The following PDE1C variants were observed in gnomAD, a reference collection of about 807,000 sequenced individuals.
The protein encoded by PDE1C is dual specificity calcium/calmodulin-dependent 3',5'-cyclic nucleotide phosphodiesterase 1C.
PDE1C carries 62 observed loss-of-function variants against 93.1 expected under a neutral mutation model. The observed-to-expected ratio is 0.67, with a 90% CI of 0.54 to 0.82. The LOEUF is 0.82. Among genes scored for constraint, PDE1C ranks in the 40% least tolerant of loss-of-function variants. PDE1C has a pLI of 0.00. For synonymous variants in PDE1C, 325 were observed against 310.1 expected (o/e 1.05, Z -0.50); for missense variants, 742 against 884.6 (o/e 0.84, Z 2.04).
At chr7:31,650,114 G>C in the PDE1C span, among the ~76,000 whole-genome samples, 144 of 152,314 alleles carry the variant, frequency 9.5e-4, 1 homozygote, top group African/African-American at 3.3e-3. Flanking sequence ...AAACCTTCTA[G>C]ATGATTACAT....
chr7:31,772,517 T>C (rs901863427), intron 17 of PDE1C, among the ~76,000 whole-genome samples: 3 of 152,118 alleles, frequency 2.0e-5, no homozygotes, highest in Non-Finnish European at 4.4e-5. Context: ...TCTCTCTTTT[T>C]TTTTTTTCTG....
At chr7:32,170,057 T>G (rs1334037396) in intron 2 of PDE1C, 25 of 1,030,444 alleles carry the variant, frequency 2.4e-5, no homozygotes, top group Non-Finnish European at 3.6e-5. Context: ...AGCAGGGAAA[T>G]TTATATATTT....
intron 1 of PDE1C, among the ~76,000 whole-genome samples, chr7:32,305,225 T>C (rs553758517): frequency 3.1e-4 from 47 of 152,230 alleles, no homozygotes; most frequent in Non-Finnish European, 2.5e-4. Flanking sequence ...ATTCAGCAGA[T>C]GCATTGTGGT....
the PDE1C span, among the ~76,000 whole-genome samples, chr7:31,698,447 G>C: frequency 6.6e-6 from 1 of 152,136 alleles, no homozygotes; most frequent in Non-Finnish European, 1.5e-5. Flanking sequence ...ACCCCACCTG[G>C]TCATGCCAGG....
At chr7:32,363,184 T>A (rs967052507) in intron 1 of PDE1C, among the ~76,000 whole-genome samples, 2 of 152,246 alleles carry the variant, frequency 1.3e-5, no homozygotes, top group African/African-American at 2.4e-5. Context: ...TATTTATTAT[T>A]GTGACCACGG....
chr7:31,632,662 T>C, the PDE1C span, among the ~76,000 whole-genome samples: 92 of 152,118 alleles, frequency 6.0e-4, no homozygotes, highest in African/African-American at 2.2e-3. Context: ...GCTGTGTGTA[T>C]GGAAGTGAAA....
the PDE1C span, among the ~76,000 whole-genome samples, chr7:31,722,939 A>T: frequency 6.6e-6 from 1 of 152,238 alleles, no homozygotes; most frequent in South Asian, 2.1e-4. Flanking sequence ...ATGTTTTCTC[A>T]TATCTTCATC....
At chr7:31,654,982 C>T in the PDE1C span, among the ~76,000 whole-genome samples, 12 of 152,094 alleles carry the variant, frequency 7.9e-5, no homozygotes, top group Non-Finnish European at 1.6e-4. Flanking sequence ...ATTCTCAGAG[C>T]GTGGACATCC....
At chr7:31,623,396 C>G in the PDE1C span, among the ~76,000 whole-genome samples, 1 of 151,530 alleles carries the variant, frequency 6.6e-6, no homozygotes, top group Non-Finnish European at 1.5e-5. Flanking sequence ...CATCAAAAAG[C>G]TTATCCACCA....
In PDE1C at chr7:31,878,458, T is replaced by C. The variant is rs1453094371; in HGVS notation, c.426-422A>G. On this transcript the variant is annotated intron_variant, in intron 4 of 17. Coordinates refer to ENST00000396191, the MANE Select transcript of PDE1C (RefSeq NM_001191057.4). ...CAAGAAGGAAAAATGTCCCAGGTAA[T>C]CTTTAAACTTACCGTGGTGTTTCTA... Among the ~76,000 whole-genome samples, 8 of 152,208 alleles carry C rather than the reference T, an allele frequency of 5.3e-5. No homozygotes were observed. In the East Asian group the frequency reaches 1.5e-3, roughly 29 times the overall value.
chr7:32,067,077 C>T (rs750483337), intron 1 of PDE1C, among the ~76,000 whole-genome samples: 2 of 152,190 alleles, frequency 1.3e-5, no homozygotes, highest in Admixed American at 6.5e-5. Flanking sequence ...GGGGCATGGG[C>T]GCCATCATCA....
chr7:31,853,633 C>T (rs1423646010), intron 7 of PDE1C, among the ~76,000 whole-genome samples: 1 of 152,146 alleles, frequency 6.6e-6, no homozygotes, highest in Non-Finnish European at 1.5e-5. Context: ...GCCATCAGCT[C>T]CCCACTTCAG....
chr7:31,676,279 C>T, the PDE1C span, among the ~76,000 whole-genome samples: 1 of 151,884 alleles, frequency 6.6e-6, no homozygotes, highest in Non-Finnish European at 1.5e-5. Flanking sequence ...TTTACAAGGA[C>T]ACATGGAACA....
intron 2 of PDE1C, among the ~76,000 whole-genome samples, chr7:31,923,755 C>G (rs1484243872): frequency 6.6e-6 from 1 of 152,054 alleles, no homozygotes; most frequent in Non-Finnish European, 1.5e-5. Flanking sequence ...GGGAGGATTG[C>G]CTGAGCCCAG....
At chr7:32,261,052 G>T (rs2128880494) in intron 1 of PDE1C, among the ~76,000 whole-genome samples, 1 of 152,286 alleles carries the variant, frequency 6.6e-6, no homozygotes, top group Non-Finnish European at 1.5e-5. Context: ...GGAGGTTGCA[G>T]TGAGCTGAGA....
At chr7:32,087,601 C>T (rs1797183899) in intron 3 of PDE1C, among the ~76,000 whole-genome samples, 1 of 152,168 alleles carries the variant, frequency 6.6e-6, no homozygotes, top group East Asian at 1.9e-4. Flanking sequence ...GGAACCAACC[C>T]AAATGTCCAA....
upstream of PDE1C, among the ~76,000 whole-genome samples, chr7:32,303,500 G>A (rs1292825786): frequency 6.6e-6 from 1 of 152,120 alleles, no homozygotes; most frequent in South Asian, 2.1e-4. Flanking sequence ...TGTGTTTCTG[G>A]ATGCAGTTCC....
chr7:31,714,692 A>G, the PDE1C span, among the ~76,000 whole-genome samples: 1 of 152,218 alleles, frequency 6.6e-6, no homozygotes, highest in African/African-American at 2.4e-5. Flanking sequence ...CATGTCTTAC[A>G]TGGATGGCCG....
chr7:32,012,919 G>T (rs1205975372), intron 2 of PDE1C, among the ~76,000 whole-genome samples: 1 of 152,052 alleles, frequency 6.6e-6, no homozygotes, highest in African/African-American at 2.4e-5. Context: ...CATTTCACAG[G>T]ATTATTGTGG....
Sources: allele counts gnomAD v4.1 joint callset (sites outside exome capture counted in the v4.1 genomes callset), GRCh38; gene constraint gnomAD v4.1.1; transcripts MANE v1.5; gene names NCBI Gene and HGNC (gene_info 2026-07-23, HGNC 2026-07-21).